Variants in CLCN1 observed in about 807,000 individuals in gnomAD.
CLCN1 encodes the protein chloride voltage-gated channel 1, also known as chloride channel protein 1.
In CLCN1, 100 loss-of-function variants were observed where a neutral mutation model predicts 114.5. The observed-to-expected ratio is 0.87, with a 90% confidence interval of 0.74 to 1.03. The LOEUF (loss-of-function observed/expected upper bound fraction) is 1.03. Among genes scored for constraint, CLCN1 ranks in the 50% least tolerant of loss-of-function variants. The pLI is 0.00. For synonymous variants in CLCN1, 485 were observed against 487.1 expected (o/e 1.00, Z 0.06); for missense variants, 1,188 against 1,250.0 (o/e 0.95, Z 0.75).
At chr7:143,327,930 C>A (rs1802617363) in intron 7 of CLCN1, among the ~76,000 whole-genome samples, 1 of 152,202 alleles carries the variant, frequency 6.6e-6, no homozygotes, top group Non-Finnish European at 1.5e-5. Flanking sequence ...GCTGGGGTTA[C>A]AGGCATGGGC....
intron 3 of CLCN1, among the ~76,000 whole-genome samples, 176 bp downstream of exon 3, chr7:143,320,971 A>G (rs1336947763): frequency 6.6e-6 from 1 of 152,138 alleles, no homozygotes; most frequent in Non-Finnish European, 1.5e-5. Flanking sequence ...GGCCTGCTCC[A>G]CTTCTCACGC....
chr7:143,331,029 C>A, intron 8 of CLCN1, 132 bp downstream of exon 8: 1 of 1,358,064 alleles, frequency 7.4e-7, no homozygotes, highest in Non-Finnish European at 1.1e-6. Flanking sequence ...GACCAAGGCC[C>A]AAGGGTGTAT....
intron 12 of CLCN1, among the ~76,000 whole-genome samples, chr7:143,335,860 C>T (rs1026974494): frequency 1.3e-5 from 2 of 151,998 alleles, no homozygotes; most frequent in Non-Finnish European, 2.9e-5. Context: ...CGGTGTTTCA[C>T]CTTGTTAGCC....
chr7:143,337,598 C>T (rs1345450454), intron 12 of CLCN1, among the ~76,000 whole-genome samples: 1 of 152,090 alleles, frequency 6.6e-6, no homozygotes, highest in Non-Finnish European at 1.5e-5. Context: ...ATTGTGAATA[C>T]TTTCATCTTG....
Position 143,321,830 on chromosome 7 carries a change from C to T in CLCN1, c.678C>T (p.Gly226=). The T allele has an allele frequency of 1.2e-6, 2 of 1,614,208 alleles. No individual in the cohort carries two copies. The highest frequency in any genetic ancestry group is 1.7e-6 in the Non-Finnish European group (2 of 1,180,030). The change falls in exon 5 of 23, where the codon GGC becomes GGT. Residue 226 remains glycine (G), a synonymous_variant. Coordinates refer to ENST00000343257, the MANE Select transcript of CLCN1 (RefSeq NM_000083.3). The surrounding 1 kb of genome is among the most constrained non-coding windows in gnomAD (Gnocchi z 4.2). ...VVALTAGLGS[G]IPVGKEGPFV... is the part of the protein sequence containing the mutation. ...CCCTGACTGCGGGCCTGGGCAGTGG[C>T]ATCCCCGTGGGGAAAGAGGTAGGCC... is the stretch of plus-strand genomic sequence containing the variant.
intron 12 of CLCN1, among the ~76,000 whole-genome samples, chr7:143,338,956 A>G (rs770314590): frequency 3.3e-5 from 5 of 152,166 alleles, no homozygotes; most frequent in Non-Finnish European, 5.9e-5. Context: ...AAAGATAAGT[A>G]CTCCGGGGCT....
rs753106925 is a variant in CLCN1 at position 143,351,640 on chromosome 7, G to A, written c.2642G>A (p.Arg881His). ...CACACCAAGTCTGGGGTGCAGCTCC[G>A]CCCTCCCCTTGCCAGCTTCCGGAAC... ...EGHTKSGVQL[R>H]PPLASFRNTT... The change falls in exon 23 of 23, where the codon CGC (arginine) becomes CAC (histidine). Residue 881 changes from arginine (R) to histidine (H), a missense_variant. Transcript: ENST00000343257. The A allele has an allele frequency of 1.2e-5, 20 of 1,613,962 alleles. No homozygotes were observed. Among genetic ancestry groups the A allele is most frequent in the Admixed American group, 5.0e-5 (3 of 59,984 alleles).
At chr7:143,323,787 AC>A (rs757887402) in intron 6 of CLCN1, 10 of 466,952 alleles carry the variant, frequency 2.1e-5, no homozygotes, top group Non-Finnish European at 4.4e-5. Flanking sequence ...CCACCCCTCC[AC>A]CCCCTTGTCC....
At chr7:143,346,536 T>A in intron 18 of CLCN1, 43 bp from the exon 19 acceptor site, 2 of 1,481,082 alleles carry the variant, frequency 1.4e-6, no homozygotes, top group Non-Finnish European at 1.9e-6. Flanking sequence ...GGCCGTTTCC[T>A]GTTGCTTTGT....
chr7:143,343,589 C>T (rs1803143939), intron 16 of CLCN1, among the ~76,000 whole-genome samples: 1 of 152,196 alleles, frequency 6.6e-6, no homozygotes, highest in Non-Finnish European at 1.5e-5. Flanking sequence ...TGAATAATGA[C>T]AATTAATGTA....
chr7:143,323,900 A>G, intron 6 of CLCN1: 1 of 469,598 alleles, frequency 2.1e-6, no homozygotes, highest in South Asian at 1.5e-5. Flanking sequence ...TGTCGGAGGC[A>G]AGTTGCACTT....
intron 6 of CLCN1, 161 bp downstream of exon 6, chr7:143,323,547 C>A: frequency 1.4e-6 from 1 of 714,666 alleles, no homozygotes; most frequent in Non-Finnish European, 2.6e-6. Context: ...GTCTGCCTAC[C>A]CTGGCCACGT....
rs201708067 is a variant in CLCN1, at chr7:143,323,294, C to T, written c.697-15C>T. On this transcript the variant is annotated splice_polypyrimidine_tract_variant and intron_variant, in intron 5 of 22. Transcript: ENST00000343257. ...CTGGCCTCTGACCCCCGCCCCCTCG[C>T]TCCCCCTCTCCCAGGGCCCCTTCGT... is the stretch of plus-strand genomic sequence containing the variant. 2.5e-6 allele frequency: 4 copies of T among 1,572,576 alleles called. No individual in the cohort carries two copies. The East Asian group carries it at 9.0e-5, about 35-fold the overall frequency.
rs775949282 is a variant in CLCN1 at position 143,316,131 on chromosome 7, G to A, written c.-82G>A. The A allele has an allele frequency of 2.1e-5, 25 of 1,173,550 alleles. No homozygotes were observed. Among genetic ancestry groups the A allele is most frequent in the East Asian group, 7.0e-5 (3 of 42,704 alleles). 72.7% of individuals were successfully genotyped at this position (1,173,550 alleles called of 1,614,324 possible). A position where few individuals can be genotyped will look rare whatever the true frequency, so the allele number is the denominator to read the frequency against. ...GCCCCAGACGCCTTGGGGACAGCAA[G>A]AGCAGAGGCTTAAGGAGCTACACTG... On this transcript the variant is annotated 5_prime_UTR_variant, in exon 1 of 23. Transcript: ENST00000343257.
chr7:143,351,931 C>T lies in CLCN1; in HGVS notation c.2933C>T (p.Thr978Ile), dbSNP rs1470699851. Residue 978 changes from threonine (T) to isoleucine (I), a missense_variant, in exon 23 of 23, where the codon ACA becomes ATA. Thr to Ile is a moderately conservative substitution (Grantham distance 89). Coordinates refer to ENST00000343257, the MANE Select transcript of CLCN1 (RefSeq NM_000083.3). The part of the protein sequence containing the change: ...DILQGPSLRS[T>I]DEEDEDELIL ...TTGCAGGGCCCCAGCCTGCGATCCA[C>T]AGACGAGGAGGATGAGGATGAACTG... 2 of 1,613,512 alleles carry T rather than the reference C, an allele frequency of 1.2e-6. No individual in the cohort carries two copies. Among genetic ancestry groups the T allele is most frequent in the Non-Finnish European group, 1.7e-6 (2 of 1,180,038 alleles).
intron 5 of CLCN1, among the ~76,000 whole-genome samples, chr7:143,322,914 A>G (rs563358541): frequency 2.0e-5 from 3 of 152,290 alleles, no homozygotes; most frequent in East Asian, 3.9e-4. Context: ...TTGGCTCACA[A>G]GTTTCCTTTC....
chr7:143,316,226 G>A lies in CLCN1; in HGVS notation c.14G>A (p.Arg5Gln), dbSNP rs201327261. Residue 5 changes from arginine (R) to glutamine (Q), a missense_variant, in exon 1 of 23, where the codon CGG becomes CAG. Transcript: ENST00000343257. Reference sequence around the variant, plus strand: ...GGGGGAGGGAATATGGAGCAATCCCGGTCACAGCAGCGTGGGGGTGAACAA... The same window carrying A: ...GGGGGAGGGAATATGGAGCAATCCCAGTCACAGCAGCGTGGGGGTGAACAA... Reference protein sequence around the residue: MEQSRSQQRGGEQSW... With the variant: MEQSQSQQRGGEQSW... 28 of 1,613,244 alleles carry A rather than the reference G, an allele frequency of 1.7e-5. No individual in the cohort carries two copies. The highest frequency in any genetic ancestry group is 6.7e-5 in the East Asian group (3 of 44,856).
At chr7:143,331,956 G>A (rs1181592324) in intron 10 of CLCN1, among the ~76,000 whole-genome samples, 1 of 152,162 alleles carries the variant, frequency 6.6e-6, no homozygotes, top group African/African-American at 2.4e-5. Context: ...AGCCTCCTGA[G>A]TAGTTGGGAT....
At position 143,351,664 on chromosome 7, in the gene CLCN1, A is replaced by G. The variant is rs750512826; in HGVS notation, c.2666A>G (p.Asn889Ser). Residue 889 changes from asparagine to serine, a missense_variant, in exon 23 of 23, where the codon AAC (asparagine) becomes AGC (serine). Physicochemically the swap from Asn to Ser is conservative, Grantham distance 46. Transcript: ENST00000343257. ...CGCCCTCCCCTTGCCAGCTTCCGGA[A>G]CACGACTTCAACTCGAAAGAGTACC... ...QLRPPLASFR[N>S]TTSTRKSTGA... 1.2e-6 allele frequency: 2 copies of G among 1,614,170 alleles called. No individual in the cohort carries two copies. The highest frequency in any genetic ancestry group is 2.2e-5 in the South Asian group (2 of 91,082).
Sources: allele counts gnomAD v4.1 joint callset (sites outside exome capture counted in the v4.1 genomes callset), GRCh38; gene constraint gnomAD v4.1.1; non-coding constraint Gnocchi (gnomAD v3.1); transcripts MANE v1.5; gene names NCBI Gene and HGNC (gene_info 2026-07-23, HGNC 2026-07-21).